SDC2: variants seen among roughly 807,000 people sequenced by gnomAD.
The protein encoded by SDC2 is syndecan 2.
In SDC2, 13 loss-of-function variants were observed where a neutral mutation model predicts 22.2. That is an observed-to-expected ratio of 0.59 (90% confidence interval 0.38 to 0.93). The LOEUF (loss-of-function observed/expected upper bound fraction) is 0.93, where lower values mean the gene tolerates loss of function less well. SDC2 is among the 40% of genes least tolerant of loss of function. The pLI is 0.00. For synonymous variants in SDC2, 94 were observed against 92.8 expected (o/e 1.01, Z -0.07); for missense variants, 235 against 246.8 (o/e 0.95, Z 0.32).
intron 1 of SDC2, among the ~76,000 whole-genome samples, chr8:96,497,002 G>A (rs1813087655): frequency 6.6e-6 from 1 of 152,178 alleles, no homozygotes; most frequent in Non-Finnish European, 1.5e-5. Context: ...TTTTGTACAT[G>A]ACTGTTTATC....
intron 1 of SDC2, among the ~76,000 whole-genome samples, chr8:96,515,247 GTT>G (rs1813384717): frequency 6.6e-6 from 1 of 151,948 alleles, no homozygotes; most frequent in Non-Finnish European, 1.5e-5. Context: ...TTGCAATGAA[GTT>G]TTTAAAATTC....
At chr8:96,580,451 C>T in intron 1 of SDC2, 1 of 985,164 alleles carries the variant, frequency 1.0e-6, no homozygotes, top group Non-Finnish European at 1.2e-6. Flanking sequence ...TGCTTGTTGC[C>T]ACTGAGGGGT....
chr8:96,561,694 T>C (rs1489747787), intron 1 of SDC2, among the ~76,000 whole-genome samples: 1 of 152,222 alleles, frequency 6.6e-6, no homozygotes, highest in East Asian at 1.9e-4. Context: ...TCCCAGTTGC[T>C]TCCCTTAATT....
intron 1 of SDC2, among the ~76,000 whole-genome samples, chr8:96,580,165 G>A (rs1814566769): frequency 6.6e-6 from 1 of 152,244 alleles, no homozygotes; most frequent in Admixed American, 6.5e-5. Flanking sequence ...GTGGGCCAGG[G>A]CAGCGAGGCA....
chr8:96,576,671 G>A (rs953445295), intron 1 of SDC2, among the ~76,000 whole-genome samples: 11 of 150,060 alleles, frequency 7.3e-5, no homozygotes, highest in African/African-American at 2.2e-4. Context: ...CGCCCGCCTC[G>A]GCCTCCCAAA....
chr8:96,575,121 C>T (rs1015840385), intron 1 of SDC2, among the ~76,000 whole-genome samples: 3 of 152,144 alleles, frequency 2.0e-5, no homozygotes, highest in Non-Finnish European at 4.4e-5. Flanking sequence ...GGCCACGGAT[C>T]GGTATTGGTC....
At chr8:96,500,548 G>C (rs1813144845) in intron 1 of SDC2, among the ~76,000 whole-genome samples, 1 of 151,256 alleles carries the variant, frequency 6.6e-6, no homozygotes, top group South Asian at 2.1e-4. Flanking sequence ...TATAATCCCA[G>C]CTACTTGGGA....
In SDC2 at chr8:96,609,376, T is replaced by C; in HGVS notation, c.443-9T>C. 1 of 1,605,932 alleles carries C rather than the reference T, an allele frequency of 6.2e-7. No homozygotes were observed. The highest frequency in any genetic ancestry group is 8.5e-7 in the Non-Finnish European group (1 of 1,176,114). ...TCTTCTAAAGTAATCTTCCTTTTGG[T>C]TGTTTCAGCTGTCATTGCTGGTGGA... is the stretch of plus-strand genomic sequence containing the variant. On this transcript the variant is annotated splice_polypyrimidine_tract_variant and intron_variant, in intron 4 of 4. Transcript: ENST00000302190.
chr8:96,518,389 C>G (rs1392448828), intron 1 of SDC2, among the ~76,000 whole-genome samples: 2 of 140,692 alleles, frequency 1.4e-5, no homozygotes, highest in African/African-American at 5.4e-5. Context: ...GAGACAGAGT[C>G]TCTCTCTGTC....
chr8:96,557,564 G>C (rs1015453065), intron 1 of SDC2, among the ~76,000 whole-genome samples: 4 of 142,732 alleles, frequency 2.8e-5, no homozygotes, highest in South Asian at 2.3e-4. Context: ...TCATAGGTGG[G>C]AACTGAACAA....
chr8:96,570,445 A>G (rs1814374441), intron 1 of SDC2, among the ~76,000 whole-genome samples: 1 of 152,218 alleles, frequency 6.6e-6, no homozygotes, highest in Non-Finnish European at 1.5e-5. Flanking sequence ...CAAAAAACAA[A>G]AAACCCAAAG....
chr8:96,534,106 C>T (rs867095618), intron 1 of SDC2, among the ~76,000 whole-genome samples: 4 of 152,222 alleles, frequency 2.6e-5, no homozygotes, highest in South Asian at 2.1e-4. Context: ...GCTCAGAGTG[C>T]GGGGCCTGCC....
intron 1 of SDC2, among the ~76,000 whole-genome samples, chr8:96,529,468 A>C (rs1324215108): frequency 6.6e-6 from 1 of 152,234 alleles, no homozygotes; most frequent in African/African-American, 2.4e-5. Flanking sequence ...TTTACATTTA[A>C]AAACTCCATG....
At chr8:96,558,027 A>G (rs1384601778) in intron 1 of SDC2, among the ~76,000 whole-genome samples, 1 of 152,052 alleles carries the variant, frequency 6.6e-6, no homozygotes, top group South Asian at 2.1e-4. Flanking sequence ...TAAAGCCCAT[A>G]ATTGGTACAC....
At chr8:96,580,736 G>C (rs1369183858) in intron 1 of SDC2, among the ~76,000 whole-genome samples, 1 of 152,170 alleles carries the variant, frequency 6.6e-6, no homozygotes, top group East Asian at 1.9e-4. Flanking sequence ...GTAACAGGTA[G>C]TCCAGGTGCT....
At chr8:96,538,382 A>G (rs1813788129) in intron 1 of SDC2, among the ~76,000 whole-genome samples, 1 of 143,494 alleles carries the variant, frequency 7.0e-6, no homozygotes. Flanking sequence ...CATATTAACT[A>G]TTTCAAACAA....
At chr8:96,571,671 G>T (rs1214222690) in intron 1 of SDC2, among the ~76,000 whole-genome samples, 1 of 152,152 alleles carries the variant, frequency 6.6e-6, no homozygotes, top group Non-Finnish European at 1.5e-5. Flanking sequence ...ACCCCCTCTT[G>T]CTGGCTTACA....
intron 1 of SDC2, among the ~76,000 whole-genome samples, chr8:96,530,194 C>G (rs1813638146): frequency 6.6e-6 from 1 of 152,176 alleles, no homozygotes; most frequent in South Asian, 2.1e-4. Flanking sequence ...TTGTCTAAAT[C>G]ATGGGGTGGA....
intron 1 of SDC2, among the ~76,000 whole-genome samples, chr8:96,577,361 T>C (rs1814522255): frequency 6.6e-6 from 1 of 152,170 alleles, no homozygotes; most frequent in South Asian, 2.1e-4. Context: ...GGGCAGAATA[T>C]ATGGACAGGC....
Sources: gnomAD v4.1 joint callset for allele counts (sites outside exome capture counted in the v4.1 genomes callset) on GRCh38, gnomAD v4.1.1 for gene constraint, MANE v1.5 for transcripts, NCBI Gene and HGNC (gene_info 2026-07-23, HGNC 2026-07-21) for gene names.